Variants in ABHD2 observed in about 807,000 individuals in gnomAD.
ABHD2 encodes abhydrolase domain containing 2, acylglycerol lipase.
A neutral mutation model predicts 48.1 loss-of-function variants in ABHD2; 20 were observed. The observed-to-expected ratio is 0.42, with a 90% CI of 0.29 to 0.60. The LOEUF (loss-of-function observed/expected upper bound fraction) is 0.60. Among genes scored for constraint, ABHD2 ranks in the 20% least tolerant of loss-of-function variants. ABHD2 has a pLI of 0.24. For missense variants in ABHD2, 405 were observed against 550.9 expected (o/e 0.74, Z 2.65); for synonymous variants, 209 against 214.2 (o/e 0.98, Z 0.21).
intron 4 of ABHD2, among the ~76,000 whole-genome samples, chr15:89,152,965 C>T (rs975136045): frequency 6.6e-6 from 1 of 152,054 alleles, no homozygotes; most frequent in Non-Finnish European, 1.5e-5. Context: ...AATAGGAACT[C>T]AGTAGTTATT....
At chr15:89,141,899 A>C (rs952361840) in intron 3 of ABHD2, among the ~76,000 whole-genome samples, 1 of 152,172 alleles carries the variant, frequency 6.6e-6, no homozygotes, top group Non-Finnish European at 1.5e-5. Context: ...GAATATATAC[A>C]TGCTAATTTG....
chr15:89,110,473 G>A (rs1408880981), intron 1 of ABHD2, among the ~76,000 whole-genome samples: 2 of 152,036 alleles, frequency 1.3e-5, no homozygotes, highest in Non-Finnish European at 2.9e-5. Flanking sequence ...TGCTCCATGA[G>A]GACTTCCTTG....
chr15:89,197,082 C>G lies in ABHD2; in HGVS notation c.*1659C>G, dbSNP rs1313696749. On this transcript the variant is annotated 3_prime_UTR_variant, in exon 11 of 11. Transcript: ENST00000352732. This position sits in a 1 kb window ranked among gnomAD's most constrained non-coding sequence, Gnocchi z 4.4. Reference sequence around the variant, plus strand: ...AGCCACCTGGGCGCCTGAGTGCCAACCCTCAGGGCCACAGGTGGGTGTGGT... The same window carrying G: ...AGCCACCTGGGCGCCTGAGTGCCAAGCCTCAGGGCCACAGGTGGGTGTGGT... The G allele has an allele frequency of 6.6e-6, 1 of 152,660 alleles. No individual in the cohort carries two copies. The highest frequency in any genetic ancestry group is 2.4e-5 in the African/African-American group (1 of 41,448). 9.5% of individuals were successfully genotyped at this position (152,660 alleles called of 1,614,324 possible).
At chr15:89,117,804 G>C (rs2049985290) in intron 3 of ABHD2, among the ~76,000 whole-genome samples, 1 of 152,188 alleles carries the variant, frequency 6.6e-6, no homozygotes, top group Admixed American at 6.5e-5. Context: ...GAACATCTGA[G>C]AGTCTGGGCC....
the ABHD2 span, among the ~76,000 whole-genome samples, chr15:89,046,330 T>G: frequency 6.6e-6 from 1 of 152,210 alleles, no homozygotes; most frequent in African/African-American, 2.4e-5. Flanking sequence ...TGCATCGATG[T>G]TCATCAAGGA....
At chr15:89,124,729 G>A (rs1186851705) in intron 3 of ABHD2, among the ~76,000 whole-genome samples, 1 of 152,130 alleles carries the variant, frequency 6.6e-6, no homozygotes, top group African/African-American at 2.4e-5. Context: ...TGAGGTGGGT[G>A]GATCACGAGG....
At position 89,195,381 on chromosome 15, in the gene ABHD2, G is replaced by C; in HGVS notation, c.1236G>C (p.Leu412Phe). 6.2e-7 allele frequency: 1 copy of C among 1,614,188 alleles called. No homozygotes were observed. The highest frequency in any genetic ancestry group is 8.5e-7 in the Non-Finnish European group (1 of 1,180,040). The change falls in exon 11 of 11, where the codon TTG (leucine) becomes TTC (phenylalanine). Residue 412 changes from leucine (L) to phenylalanine (F), a missense_variant. Transcript: ENST00000352732. This position sits in a 1 kb window ranked among gnomAD's most constrained non-coding sequence, Gnocchi z 5.1. ...NAICQWERNK[L>F]QCSDTEQVEA... is the part of the protein sequence containing the mutation. ...TTTGCCAATGGGAGCGTAACAAGTT[G>C]CAGTGCTCTGACACGGAGCAGGTGG... is the stretch of plus-strand genomic sequence containing the variant.
chr15:89,120,908 T>A lies in ABHD2; in HGVS notation c.194+4387T>A, dbSNP rs2050039844. The A allele has an allele frequency of 6.6e-6, 1 of 152,238 alleles. No individual in the cohort carries two copies. The highest frequency in any genetic ancestry group is 1.5e-5 in the Non-Finnish European group (1 of 68,042). 9.4% of individuals were successfully genotyped at this position (152,238 alleles called of 1,614,324 possible). ...CTATTAATATGTGGGCAATCATCCC[T>A]GTGGTTTTCCTTCTCCTTATACTTG... is the stretch of plus-strand genomic sequence containing the variant. On this transcript the variant is annotated intron_variant, in intron 3 of 10. Transcript: ENST00000352732. This position sits in a 1 kb window ranked among gnomAD's most constrained non-coding sequence, Gnocchi z 4.2.
chr15:89,062,671 A>G, the ABHD2 span, among the ~76,000 whole-genome samples: 17 of 152,222 alleles, frequency 1.1e-4, no homozygotes, highest in Non-Finnish European at 2.1e-4. Context: ...TACAGGCGTG[A>G]GCCACCGCAC....
At chr15:89,042,587 CTTATTTATTTATTTATTTAT>C in the ABHD2 span, among the ~76,000 whole-genome samples, 19 of 142,010 alleles carry the variant, frequency 1.3e-4, no homozygotes, top group South Asian at 4.6e-4. Flanking sequence ...TTCTTTCTTT[CTTATTTATTTATTTATTTAT>C]TTATTTATTT....
chr15:89,064,211 A>T, the ABHD2 span, among the ~76,000 whole-genome samples: 2,190 of 132,934 alleles, frequency 0.016, 38 homozygotes, highest in African/African-American at 0.038. Flanking sequence ...TATATATAAC[A>T]TTGTGTCCTT....
Position 89,201,079 on chromosome 15 carries a change from T to G in ABHD2, c.*5656T>G. On this transcript the variant is annotated 3_prime_UTR_variant, in exon 11 of 11. Coordinates refer to ENST00000352732, the MANE Select transcript of ABHD2 (RefSeq NM_152924.5). ...CCTGGGCAACAAGAGTGAGACTCCG[T>G]CTCCAAAAAAAGAAAAGGAATCCAG... The G allele has an allele frequency of 1.1e-6, 1 of 876,732 alleles. No individual in the cohort carries two copies. Among genetic ancestry groups the G allele is most frequent in the Non-Finnish European group, 1.9e-6 (1 of 518,916 alleles). 54.3% of individuals were successfully genotyped at this position (876,732 alleles called of 1,614,324 possible).
chr15:89,078,056 A>G, the ABHD2 span, among the ~76,000 whole-genome samples: 4 of 152,132 alleles, frequency 2.6e-5, no homozygotes, highest in African/African-American at 9.7e-5. Context: ...TTTCTCTCCC[A>G]TATTAGAACC....
At chr15:89,130,198 T>C (rs1212642224) in intron 3 of ABHD2, among the ~76,000 whole-genome samples, 1 of 152,260 alleles carries the variant, frequency 6.6e-6, no homozygotes, top group African/African-American at 2.4e-5. Context: ...TGGTAACTAA[T>C]TACCTCTAAA....
chr15:89,174,038 G>C lies in ABHD2; in HGVS notation c.539-1774G>C, dbSNP rs1391589892. 6.6e-6 allele frequency among the ~76,000 whole-genome samples: 1 copy of C among 152,116 alleles called. No individual in the cohort carries two copies. Among genetic ancestry groups the C allele is most frequent in the Admixed American group, 6.5e-5 (1 of 15,276 alleles). ...GGGAAGAGGCATGAGGAGGCCTCCA[G>C]GGGTGTCAAAAATATTCTGCGTCTT... On this transcript the variant is annotated intron_variant, in intron 5 of 10. Coordinates refer to ENST00000352732, the MANE Select transcript of ABHD2 (RefSeq NM_152924.5). The surrounding 1 kb of genome is among the most constrained non-coding windows in gnomAD (Gnocchi z 4.1).
Position 89,103,262 on chromosome 15 carries a change from AT to A in ABHD2, c.-106-10462del, listed in dbSNP as rs368351124. On this transcript the variant is annotated intron_variant, in intron 1 of 10. Coordinates refer to ENST00000352732, the MANE Select transcript of ABHD2 (RefSeq NM_152924.5). ...CATTTTTCTAATCTTGAAATATTTA[AT>A]AAAGCAGCTTTCTGCTAAAGAGCTG... Among the ~76,000 whole-genome samples, 19 of 152,344 alleles carry A rather than the reference AT, an allele frequency of 1.2e-4. No homozygotes were observed. In the East Asian group the frequency reaches 3.3e-3, roughly 26 times the overall value.
At chr15:89,161,118 C>G (rs1296311222) in intron 5 of ABHD2, among the ~76,000 whole-genome samples, 1 of 152,140 alleles carries the variant, frequency 6.6e-6, no homozygotes, top group South Asian at 2.1e-4. Flanking sequence ...TTAAAAGATA[C>G]CTGTGCCAGT....
intron 3 of ABHD2, among the ~76,000 whole-genome samples, chr15:89,130,633 T>C (rs1596094474): frequency 6.6e-6 from 1 of 152,310 alleles, no homozygotes; most frequent in East Asian, 1.9e-4. Flanking sequence ...TAAGGCAGGT[T>C]GGACAAGCTT....
chr15:89,160,047 T>A (rs2050738614), intron 5 of ABHD2, among the ~76,000 whole-genome samples: 1 of 152,240 alleles, frequency 6.6e-6, no homozygotes, highest in Admixed American at 6.5e-5. Context: ...AATTAAAACA[T>A]CTTTCGTAGC....
Sources: gnomAD v4.1 joint callset for allele counts (sites outside exome capture counted in the v4.1 genomes callset) on GRCh38, gnomAD v4.1.1 for gene constraint, Gnocchi (gnomAD v3.1) non-coding constraint, MANE v1.5 for transcripts, NCBI Gene and HGNC (gene_info 2026-07-23, HGNC 2026-07-21) for gene names.